GRM5: variants seen among roughly 807,000 people sequenced by gnomAD.
GRM5 encodes the protein glutamate metabotropic receptor 5.
A neutral mutation model predicts 83.1 loss-of-function variants in GRM5; 19 were observed. The ratio of observed to expected loss-of-function variants is 0.23; its 90% CI spans 0.16 to 0.34. The LOEUF (loss-of-function observed/expected upper bound fraction) is 0.34, where lower values mean the gene tolerates loss of function less well. Ranked by LOEUF, GRM5 falls within the 10% of genes least tolerant of loss-of-function variation. The probability of loss-of-function intolerance (pLI) is 1.00; values close to 1 mark genes in which losing one functional copy is unlikely to be tolerated. For synonymous variants in GRM5, 675 were observed against 633.6 expected, an observed-to-expected ratio of 1.07 and a Z score of -0.98; for missense variants, 1,160 against 1,588.3, an observed-to-expected ratio of 0.73 and a Z score of 4.58.
At chr11:89,007,226 T>A (rs559605502) in intron 2 of GRM5, among the ~76,000 whole-genome samples, 36 of 152,344 alleles carry the variant, frequency 2.4e-4, no homozygotes, top group Admixed American at 1.7e-3. Context: ...GACAAAATTT[T>A]GCATTTGTTA....
At chr11:88,805,100 A>G (rs1943476142) in intron 3 of GRM5, among the ~76,000 whole-genome samples, 1 of 152,194 alleles carries the variant, frequency 6.6e-6, no homozygotes, top group African/African-American at 2.4e-5. Flanking sequence ...CAGTTTGTTA[A>G]AGACCTGGAG....
chr11:88,596,523 G>C (rs909779157), intron 6 of GRM5, among the ~76,000 whole-genome samples: 1 of 151,996 alleles, frequency 6.6e-6, no homozygotes, highest in African/African-American at 2.4e-5. Flanking sequence ...TTAGAGCATT[G>C]CACTCTAGAT....
At chr11:88,952,127 C>CAA (rs1200861251) in intron 2 of GRM5, among the ~76,000 whole-genome samples, 2 of 8,110 alleles carry the variant, frequency 2.5e-4, no homozygotes, top group African/African-American at 2.6e-4. Context: ...TACAAACAAA[C>CAA]ACACACACAC....
intron 3 of GRM5, among the ~76,000 whole-genome samples, chr11:88,717,183 T>G (rs1941418025): frequency 6.6e-6 from 1 of 151,810 alleles, no homozygotes; most frequent in Non-Finnish European, 1.5e-5. Flanking sequence ...GTTCTCTTCA[T>G]TACAGATAAT....
At chr11:88,979,209 C>T (rs1322137100) in intron 2 of GRM5, among the ~76,000 whole-genome samples, 1 of 152,110 alleles carries the variant, frequency 6.6e-6, no homozygotes. Flanking sequence ...TTAGTTTATC[C>T]TGAGAAAAAC....
chr11:89,056,015 T>C (rs538147322), intron 1 of GRM5, among the ~76,000 whole-genome samples: 26 of 152,312 alleles, frequency 1.7e-4, no homozygotes, highest in African/African-American at 6.0e-4. Flanking sequence ...ATTTATTTAA[T>C]TTTATCAGTT....
At chr11:89,005,216 A>G (rs1371184433) in intron 2 of GRM5, among the ~76,000 whole-genome samples, 1 of 152,232 alleles carries the variant, frequency 6.6e-6, no homozygotes, top group Non-Finnish European at 1.5e-5. Context: ...TAAGTATGAA[A>G]GAAAGAAATT....
rs777560264 is a variant in GRM5 at position 88,736,312 on chromosome 11, G to GTGTT, written c.912-82913_912-82910dup. On this transcript the variant is annotated intron_variant, in intron 3 of 9. Transcript: ENST00000305447. ...AGAAACTGACTTCTGCGGGATCTTT[G>GTGTT]TGTTTTAATGTGCAAATTGATTTTA... Among the ~76,000 whole-genome samples, 13 of 152,120 alleles carry GTGTT rather than the reference G, an allele frequency of 8.5e-5. No homozygotes were observed. In the East Asian group the frequency reaches 2.1e-3, roughly 25 times the overall value.
chr11:88,741,876 G>T (rs1695460), intron 3 of GRM5, among the ~76,000 whole-genome samples: 1 of 151,754 alleles, frequency 6.6e-6, no homozygotes, highest in Non-Finnish European at 1.5e-5. Flanking sequence ...GATAATGGAG[G>T]CAGAGAAAGG....
intron 2 of GRM5, among the ~76,000 whole-genome samples, chr11:88,919,904 G>A (rs1041564713): frequency 3.3e-5 from 5 of 151,962 alleles, no homozygotes; most frequent in African/African-American, 1.2e-4. Flanking sequence ...AGAAAGCAAT[G>A]TTAAGAGGAA....
chr11:88,829,710 T>TA (rs753383723), intron 3 of GRM5, among the ~76,000 whole-genome samples: 86 of 152,290 alleles, frequency 5.6e-4, no homozygotes, highest in Non-Finnish European at 1.1e-3. Context: ...AATTTTAATT[T>TA]AAAAAATTGT....
At chr11:88,678,273 C>T (rs992667994) in intron 3 of GRM5, among the ~76,000 whole-genome samples, 1 of 152,038 alleles carries the variant, frequency 6.6e-6, no homozygotes, top group African/African-American at 2.4e-5. Context: ...TAGCCAGGCT[C>T]GTCTTGAACT....
intron 7 of GRM5, among the ~76,000 whole-genome samples, chr11:88,568,448 TAAGG>T (rs1942917597): frequency 6.6e-6 from 1 of 152,052 alleles, no homozygotes; most frequent in South Asian, 2.1e-4. Flanking sequence ...ACATTAACTG[TAAGG>T]AAGAGAGGCA....
chr11:88,786,415 A>G (rs776314906), intron 3 of GRM5, among the ~76,000 whole-genome samples: 25 of 152,118 alleles, frequency 1.6e-4, no homozygotes, highest in Non-Finnish European at 2.5e-4. Context: ...TAACATCACA[A>G]ATCCTCTGAA....
chr11:88,944,097 G>A (rs1332671302), intron 2 of GRM5, among the ~76,000 whole-genome samples: 1 of 152,028 alleles, frequency 6.6e-6, no homozygotes, highest in African/African-American at 2.4e-5. Context: ...TGAAGGATAA[G>A]TTGGTTGTTG....
chr11:88,536,651 C>T (rs1259378988), intron 8 of GRM5, among the ~76,000 whole-genome samples: 1 of 152,118 alleles, frequency 6.6e-6, no homozygotes, highest in Non-Finnish European at 1.5e-5. Context: ...TTTTCGACCT[C>T]AGGTGAAATT....
intron 2 of GRM5, among the ~76,000 whole-genome samples, chr11:88,910,101 T>C (rs1237139771): frequency 2.0e-5 from 3 of 152,066 alleles, no homozygotes; most frequent in Non-Finnish European, 4.4e-5. Context: ...TCCCTGGTAG[T>C]CTTTACTCTA....
At chr11:88,698,989 G>T (rs1940965308) in intron 3 of GRM5, among the ~76,000 whole-genome samples, 1 of 152,118 alleles carries the variant, frequency 6.6e-6, no homozygotes, top group Non-Finnish European at 1.5e-5. Context: ...TATACAAGTG[G>T]TTACAACCTA....
At chr11:88,961,324 TAACTC>T (rs1179473687) in intron 2 of GRM5, among the ~76,000 whole-genome samples, 1 of 151,950 alleles carries the variant, frequency 6.6e-6, no homozygotes, top group Non-Finnish European at 1.5e-5. Context: ...TTTGTCAAAA[TAACTC>T]AGCCAAGTTG....
Sources: allele counts gnomAD v4.1 joint callset (sites outside exome capture counted in the v4.1 genomes callset), GRCh38; gene constraint gnomAD v4.1.1; transcripts MANE v1.5; gene names NCBI Gene and HGNC (gene_info 2026-07-23, HGNC 2026-07-21).